The following IRAK1BP1 variants were observed in gnomAD, a reference collection of about 807,000 sequenced individuals.
IRAK1BP1 encodes the protein interleukin-1 receptor-associated kinase 1-binding protein 1.
IRAK1BP1 carries 24 observed loss-of-function variants against 28.0 expected under a neutral mutation model. The observed-to-expected ratio is 0.86, with a 90% CI of 0.62 to 1.20. IRAK1BP1 has a LOEUF of 1.20. IRAK1BP1 is among the 50% of genes most tolerant of loss of function. The pLI is 0.00. For missense variants in IRAK1BP1, 336 were observed against 316.7 expected (o/e 1.06, Z -0.46); for synonymous variants, 131 against 116.3 (o/e 1.13, Z -0.81).
Position 78,902,943 on chromosome 6 carries a change from C to T in IRAK1BP1, c.*4609C>T, listed in dbSNP as rs1302938762. The T allele has an allele frequency of 3.2e-6, 3 of 949,852 alleles. No homozygotes were observed. Among genetic ancestry groups the T allele is most frequent in the African/African-American group, 3.3e-5 (2 of 60,968 alleles). The allele number at this position is 949,852 out of a possible 1,614,324, so 58.8% of individuals were successfully genotyped here. A position where few individuals can be genotyped will look rare whatever the true frequency, so the allele number is the denominator to read the frequency against. ...GAAGGATTGTTTTCTACTATTAAAACAATAAAACTCTTATAAACCTGTTTA... is the reference window on the plus strand; with the variant it reads ...GAAGGATTGTTTTCTACTATTAAAATAATAAAACTCTTATAAACCTGTTTA... On this transcript the variant is annotated 3_prime_UTR_variant, in exon 4 of 4. Transcript: ENST00000369940.
chr6:78,903,207 G>C, downstream of IRAK1BP1: 1 of 629,340 alleles, frequency 1.6e-6, no homozygotes, highest in Non-Finnish European at 2.7e-6. Flanking sequence ...AGGAGGCCAG[G>C]CATGGTGGCT....
exon 5 of IRAK1BP1, chr6:78,945,573 T>C (rs1773767909): frequency 1.1e-6 from 1 of 900,828 alleles, no homozygotes; most frequent in Non-Finnish European, 1.7e-6. Context: ...ACCTGAATTA[T>C]TTGAATTAGC....
chr6:78,944,447 G>C lies in IRAK1BP1; in HGVS notation c.*68-961G>C, dbSNP rs114938252. Among the ~76,000 whole-genome samples the C allele has an allele frequency of 4.3e-3, 658 of 152,272 alleles. 2 individuals are homozygous for C. The highest frequency in any genetic ancestry group is 0.014 in the African/African-American group (597 of 41,554). On this transcript the variant is annotated intron_variant and NMD_transcript_variant, in intron 4 of 4. Transcript: ENST00000606868. Reference sequence around the variant, plus strand: ...GCAGGAAGACCAGTTAGGAAACTAGGAAAATAGTCCAAGCAAGAAATTATG... The same window carrying C: ...GCAGGAAGACCAGTTAGGAAACTAGCAAAATAGTCCAAGCAAGAAATTATG...
At chr6:78,955,640 C>A in the IRAK1BP1 span, 1 of 1,093,358 alleles carries the variant, frequency 9.1e-7, no homozygotes, top group South Asian at 1.4e-5. Flanking sequence ...CTTTCTTCTT[C>A]ATTGAATTAT....
rs770029138 is a variant in IRAK1BP1 at position 78,898,060 on chromosome 6, T to C, written c.513-4T>C. ...ATTAATAATCTCTCCATTTAATTCC[T>C]AAGACGGCAAGCCTGTCTTGTTGCT... On this transcript the variant is annotated splice_region_variant and splice_polypyrimidine_tract_variant and intron_variant, in intron 3 of 3. Coordinates refer to ENST00000369940, the MANE Select transcript of IRAK1BP1 (RefSeq NM_001010844.4). 1.9e-6 allele frequency: 3 copies of C among 1,607,010 alleles called. No individual in the cohort carries two copies. The East Asian group carries it at 6.7e-5, about 36-fold the overall frequency.
downstream of IRAK1BP1, among the ~76,000 whole-genome samples, chr6:78,904,600 T>C (rs949497730): frequency 6.6e-6 from 1 of 152,226 alleles, no homozygotes; most frequent in Non-Finnish European, 1.5e-5. Context: ...GTATAGCTCA[T>C]ACAAAAGAGT....
At chr6:78,952,417 CAAAAAAAAAAGA>C in the IRAK1BP1 span, among the ~76,000 whole-genome samples, 2 of 59,916 alleles carry the variant, frequency 3.3e-5, no homozygotes, top group African/African-American at 1.3e-4. Context: ...GACTCTGTCC[CAAAAAAAAAAGA>C]AAAAAAAAAA....
chr6:78,961,877 C>A, the IRAK1BP1 span: 1 of 1,301,784 alleles, frequency 7.7e-7, no homozygotes, highest in South Asian at 1.3e-5. Context: ...AAGAATTCTG[C>A]TTGAATTAAG....
At chr6:78,974,728 G>C in the IRAK1BP1 span, among the ~76,000 whole-genome samples, 16,123 of 152,052 alleles carry the variant, frequency 0.11, 882 homozygotes, top group Middle Eastern at 0.19. Context: ...ACTACCATCA[G>C]AGAATACTAC....
the IRAK1BP1 span, among the ~76,000 whole-genome samples, chr6:78,975,475 G>C: frequency 6.6e-6 from 1 of 152,186 alleles, no homozygotes. Flanking sequence ...AGACAGGGAT[G>C]CTCTCTCTCA....
intron 4 of IRAK1BP1, among the ~76,000 whole-genome samples, chr6:78,908,959 C>G (rs889740657): frequency 6.6e-6 from 1 of 152,122 alleles, no homozygotes; most frequent in Non-Finnish European, 1.5e-5. Flanking sequence ...TCTACAGCAT[C>G]CTTGATGATT....
intron 4 of IRAK1BP1, among the ~76,000 whole-genome samples, chr6:78,922,346 A>C (rs1334942242): frequency 6.6e-6 from 1 of 152,344 alleles, no homozygotes. Flanking sequence ...CAAATGAATG[A>C]AATGAAGAGA....
intron 4 of IRAK1BP1, chr6:78,945,294 C>A: frequency 6.3e-7 from 1 of 1,588,152 alleles, no homozygotes; most frequent in Non-Finnish European, 8.6e-7. Flanking sequence ...ACAAGTAATA[C>A]CTTACCTTGC....
At chr6:78,972,070 G>A in the IRAK1BP1 span, among the ~76,000 whole-genome samples, 1 of 152,066 alleles carries the variant, frequency 6.6e-6, no homozygotes, top group Non-Finnish European at 1.5e-5. Flanking sequence ...CCACCTCTGG[G>A]GGCAGGGCAC....
the IRAK1BP1 span, chr6:78,970,153 T>C: frequency 6.2e-7 from 1 of 1,612,100 alleles, no homozygotes; most frequent in Non-Finnish European, 8.5e-7. Flanking sequence ...TTATGCCAAC[T>C]ATTTTCATAA....
At chr6:78,970,877 G>T in the IRAK1BP1 span, 2 of 1,602,550 alleles carry the variant, frequency 1.2e-6, no homozygotes, top group South Asian at 1.1e-5. Flanking sequence ...GTCCTTGTCG[G>T]AAATAATAAA....
At chr6:78,910,325 C>T (rs1772371873) in intron 4 of IRAK1BP1, among the ~76,000 whole-genome samples, 3 of 152,134 alleles carry the variant, frequency 2.0e-5, no homozygotes, top group Admixed American at 6.5e-5. Context: ...GATGGATTCT[C>T]AAGAATTTAT....
the IRAK1BP1 span, chr6:78,957,866 T>C: frequency 6.6e-6 from 1 of 152,028 alleles, no homozygotes; most frequent in Admixed American, 6.6e-5. Flanking sequence ...ACTCTTGTTA[T>C]GGGATCAATG....
intron 4 of IRAK1BP1, among the ~76,000 whole-genome samples, chr6:78,929,085 G>A (rs1772973649): frequency 6.6e-6 from 1 of 152,100 alleles, no homozygotes; most frequent in African/African-American, 2.4e-5. Flanking sequence ...CAGTATGATT[G>A]GTGTTAGTTC....
Sources: allele counts gnomAD v4.1 joint callset (sites outside exome capture counted in the v4.1 genomes callset), GRCh38; gene constraint gnomAD v4.1.1; transcripts MANE v1.5; gene names NCBI Gene and HGNC (gene_info 2026-07-23, HGNC 2026-07-21).